RASGRP3: variants seen among roughly 807,000 people sequenced by gnomAD.
RASGRP3 encodes RAS guanyl releasing protein 3.
Under a neutral mutation model 82.7 loss-of-function variants are expected in RASGRP3, and 54 were observed. The ratio of observed to expected loss-of-function variants is 0.65; its 90% CI spans 0.52 to 0.82. The LOEUF is 0.82. RASGRP3 is among the 40% of genes least tolerant of loss of function. The pLI, the probability that RASGRP3 is intolerant of heterozygous loss-of-function variation, is 0.00. For missense variants in RASGRP3, 861 were observed against 828.9 expected (o/e 1.04, Z -0.48); for synonymous variants, 309 against 300.5 (o/e 1.03, Z -0.29).
chr2:33,516,312 G>A (rs1251215058), intron 3 of RASGRP3, among the ~76,000 whole-genome samples: 1 of 152,198 alleles, frequency 6.6e-6, no homozygotes, highest in African/African-American at 2.4e-5. Context: ...GGAGGCTGAA[G>A]CAGGAAAATG....
chr2:33,522,145 A>G (rs1241325366), intron 7 of RASGRP3, 43 bp downstream of exon 7: 1 of 1,564,336 alleles, frequency 6.4e-7, no homozygotes, highest in Admixed American at 1.9e-5. Context: ...AACAACCACC[A>G]TGCCAACTTT....
At chr2:33,521,907 G>A (rs1214476907) in intron 6 of RASGRP3, 48 bp from the exon 7 acceptor site, 1 of 1,564,798 alleles carries the variant, frequency 6.4e-7, no homozygotes, top group Admixed American at 2.0e-5. Context: ...CTTCCATTGA[G>A]TGAAATGGGC....
chr2:33,543,407 C>A (rs1361598633), intron 12 of RASGRP3, 105 bp from the exon 13 acceptor site: 12 of 659,840 alleles, frequency 1.8e-5, no homozygotes, highest in Non-Finnish European at 3.1e-5. Flanking sequence ...TAGATTCTAA[C>A]CTCCTTGATA....
At chr2:33,495,356 A>C (rs1299272535) in intron 1 of RASGRP3, among the ~76,000 whole-genome samples, 2 of 152,204 alleles carry the variant, frequency 1.3e-5, no homozygotes, top group Non-Finnish European at 2.9e-5. Context: ...CATATAACTT[A>C]GATTCATTGT....
At chr2:33,444,227 GC>G (rs1387235241) in intron 1 of RASGRP3, among the ~76,000 whole-genome samples, 1 of 151,984 alleles carries the variant, frequency 6.6e-6, no homozygotes, top group African/African-American at 2.4e-5. Flanking sequence ...GATTGCTTGA[GC>G]CCAGTATTTC....
chr2:33,562,454 A>G lies in RASGRP3; in HGVS notation c.2065-275A>G, dbSNP rs572711871. Reference sequence around the variant, plus strand: ...AGCTGGTTTTTATTTATTTTTTTGTAGAGACGGGGTCTTGCTATATTTACC... The same window carrying G: ...AGCTGGTTTTTATTTATTTTTTTGTGGAGACGGGGTCTTGCTATATTTACC... On this transcript the variant is annotated intron_variant, in intron 17 of 17. Coordinates refer to ENST00000403687, the MANE Select transcript of RASGRP3 (RefSeq NM_001139488.2). Among the ~76,000 whole-genome samples, 12 of 151,334 alleles carry G rather than the reference A, an allele frequency of 7.9e-5. No homozygotes were observed. In the South Asian group the frequency reaches 1.9e-3, roughly 24 times the overall value.
intron 9 of RASGRP3, among the ~76,000 whole-genome samples, chr2:33,526,627 C>G (rs775453984): frequency 2.0e-5 from 3 of 152,136 alleles, no homozygotes; most frequent in Non-Finnish European, 4.4e-5. Flanking sequence ...GAGAAAGAAA[C>G]TGAGGCCCAA....
At chr2:33,540,554 TTTTGTGTGTGTGTGTG>T (rs1281200300) in intron 12 of RASGRP3, among the ~76,000 whole-genome samples, 516 of 26,168 alleles carry the variant, frequency 0.02, 35 homozygotes, top group African/African-American at 0.039. Context: ...TGTGTGTGTG[TTTTGTGTGTGTGTGTG>T]TGTGTGTGTG....
At chr2:33,462,470 C>A (rs560650182) in intron 2 of RASGRP3, among the ~76,000 whole-genome samples, 1 of 151,854 alleles carries the variant, frequency 6.6e-6, no homozygotes, top group East Asian at 1.9e-4. Context: ...CTACACCTCC[C>A]GGGTTCAAGA....
intron 1 of RASGRP3, among the ~76,000 whole-genome samples, chr2:33,443,579 A>G (rs764752822): frequency 1.2e-3 from 176 of 152,144 alleles, no homozygotes; most frequent in Non-Finnish European, 2.2e-3. Context: ...CTTACTATTT[A>G]TTATGGAACA....
At chr2:33,511,473 C>T (rs1373440415) in intron 1 of RASGRP3, among the ~76,000 whole-genome samples, 1 of 152,074 alleles carries the variant, frequency 6.6e-6, no homozygotes, top group Non-Finnish European at 1.5e-5. Flanking sequence ...GGTTTTGTTG[C>T]ATATGTGGGT....
intron 12 of RASGRP3, among the ~76,000 whole-genome samples, chr2:33,541,879 G>A (rs1026981349): frequency 6.8e-6 from 1 of 147,214 alleles, no homozygotes; most frequent in Non-Finnish European, 1.5e-5. Flanking sequence ...CAAAGATTAT[G>A]AAACATGAAA....
At chr2:33,456,782 C>A (rs1264567653) in intron 2 of RASGRP3, among the ~76,000 whole-genome samples, 1 of 152,094 alleles carries the variant, frequency 6.6e-6, no homozygotes, top group African/African-American at 2.4e-5. Flanking sequence ...TTGCATGTTA[C>A]CAAGGTCTGC....
chr2:33,505,596 C>G (rs1270034175), intron 1 of RASGRP3, among the ~76,000 whole-genome samples: 1 of 152,120 alleles, frequency 6.6e-6, no homozygotes. Context: ...ACCATGCCAG[C>G]AGGATTCTTC....
At chr2:33,445,695 A>T (rs540726936) in intron 1 of RASGRP3, among the ~76,000 whole-genome samples, 2 of 151,912 alleles carry the variant, frequency 1.3e-5, no homozygotes, top group South Asian at 4.1e-4. Flanking sequence ...CTATTTCTAC[A>T]TTAATACATT....
intron 2 of RASGRP3, among the ~76,000 whole-genome samples, chr2:33,458,589 G>T (rs1052802077): frequency 4.6e-5 from 7 of 152,194 alleles, no homozygotes; most frequent in Admixed American, 2.0e-4. Context: ...GACACTGGGT[G>T]CCCCTTGTCC....
chr2:33,496,511 T>G (rs777750063), intron 1 of RASGRP3, among the ~76,000 whole-genome samples: 2 of 152,350 alleles, frequency 1.3e-5, no homozygotes, highest in East Asian at 1.9e-4. Flanking sequence ...AACAAAGATA[T>G]GGAGATCTGG....
At chr2:33,548,476 G>A (rs1354836134) in intron 13 of RASGRP3, among the ~76,000 whole-genome samples, 1 of 152,012 alleles carries the variant, frequency 6.6e-6, no homozygotes, top group African/African-American at 2.4e-5. Flanking sequence ...ATTTGTGAAC[G>A]GAGGAAGAAA....
At chr2:33,467,897 A>T (rs1470192809) in intron 2 of RASGRP3, among the ~76,000 whole-genome samples, 1 of 152,146 alleles carries the variant, frequency 6.6e-6, no homozygotes, top group African/African-American at 2.4e-5. Context: ...CCTTTCAGAG[A>T]TTTGCTGTCA....
Sources: allele counts gnomAD v4.1 joint callset (sites outside exome capture counted in the v4.1 genomes callset), GRCh38; gene constraint gnomAD v4.1.1; transcripts MANE v1.5; gene names NCBI Gene and HGNC (gene_info 2026-07-23, HGNC 2026-07-21).